Variants in ABCB5 observed in about 807,000 individuals in gnomAD.
ABCB5 encodes ATP-binding cassette sub-family B member 5.
In ABCB5, 155 loss-of-function variants were observed where a neutral mutation model predicts 144.2. The ratio of observed to expected loss-of-function variants is 1.08; its 90% confidence interval spans 0.94 to 1.23. The LOEUF (loss-of-function observed/expected upper bound fraction) is 1.23, where lower values mean the gene tolerates loss of function less well. ABCB5 is among the 50% of genes most tolerant of loss of function. The pLI is 0.00. For missense variants in ABCB5, 1,830 were observed against 1,520.8 expected (o/e 1.20, Z -3.38); for synonymous variants, 610 against 528.6 (o/e 1.15, Z -2.11).
At chr7:20,633,017 TA>T (rs1784071847) in intron 5 of ABCB5, among the ~76,000 whole-genome samples, 1 of 150,934 alleles carries the variant, frequency 6.6e-6, no homozygotes, top group Admixed American at 6.6e-5. Context: ...ATAATAATAA[TA>T]AATAAATAAA....
chr7:20,652,220 A>G (rs78848969), intron 13 of ABCB5, among the ~76,000 whole-genome samples: 4,568 of 152,234 alleles, frequency 0.03, 260 homozygotes, highest in African/African-American at 0.1. Flanking sequence ...GTGACAAACC[A>G]CAAGAAAAAC....
At chr7:20,696,789 G>A (rs993031197) in intron 16 of ABCB5, among the ~76,000 whole-genome samples, 38 of 151,886 alleles carry the variant, frequency 2.5e-4, no homozygotes, top group African/African-American at 9.2e-4. Flanking sequence ...TGAAATTTTT[G>A]TTTTGTTTTT....
rs775250886 is a variant in ABCB5 at position 20,742,915 on chromosome 7, T to C, written c.3063T>C (p.Ser1021=). 1 of 1,614,206 alleles carries C rather than the reference T, an allele frequency of 6.2e-7. No homozygotes were observed. The highest frequency in any genetic ancestry group is 1.1e-5 in the South Asian group (1 of 91,082). Residue 1021 remains serine (S), a synonymous_variant, in exon 25 of 28, where the codon TCT becomes TCC. Coordinates refer to ENST00000404938, the MANE Select transcript of ABCB5 (RefSeq NM_001163941.2). ...CEGNLEFREV[S]FFYPCRPDVF... is the part of the protein sequence containing the mutation. ...GGAATTTAGAGTTTCGAGAAGTCTCTTTCTTCTATCCATGTCGCCCAGATG... is the reference window on the plus strand; with the variant it reads ...GGAATTTAGAGTTTCGAGAAGTCTCCTTCTTCTATCCATGTCGCCCAGATG...
chr7:20,673,042 G>A (rs1785498661), intron 14 of ABCB5, among the ~76,000 whole-genome samples: 1 of 151,444 alleles, frequency 6.6e-6, no homozygotes, highest in African/African-American at 2.4e-5. Flanking sequence ...TCATTTACTT[G>A]AAAAATTTTA....
At chr7:20,738,902 G>A (rs1408582418) in intron 23 of ABCB5, 81 bp from the exon 24 acceptor site, 1 of 1,416,664 alleles carries the variant, frequency 7.1e-7, no homozygotes. Flanking sequence ...TCCTGTGCCT[G>A]CTTTTTTCTT....
chr7:20,736,562 C>T (rs1338007833), intron 23 of ABCB5, among the ~76,000 whole-genome samples: 1 of 152,166 alleles, frequency 6.6e-6, no homozygotes, highest in East Asian at 1.9e-4. Context: ...AATTACTCCT[C>T]TTCATATATC....
At chr7:20,680,808 A>G (rs1785767976) in intron 14 of ABCB5, among the ~76,000 whole-genome samples, 1 of 152,200 alleles carries the variant, frequency 6.6e-6, no homozygotes, top group Non-Finnish European at 1.5e-5. Context: ...CCCATTTTAA[A>G]GATGAAAACA....
intron 3 of ABCB5, 26 bp from the exon 4 acceptor site, chr7:20,628,662 G>A (rs778037275): frequency 1.6e-5 from 25 of 1,602,888 alleles, no homozygotes; most frequent in South Asian, 2.2e-5. Flanking sequence ...TACAGTTGTG[G>A]TGCTACCGTG....
chr7:20,746,721 C>T (rs1254916163), intron 26 of ABCB5, among the ~76,000 whole-genome samples: 6 of 152,082 alleles, frequency 3.9e-5, no homozygotes, highest in Admixed American at 3.9e-4. Context: ...AAAAACAGTG[C>T]ACAGAGAGGG....
intron 25 of ABCB5, 39 bp from the exon 26 acceptor site, chr7:20,745,192 TG>T: frequency 6.3e-7 from 1 of 1,577,576 alleles, no homozygotes. Context: ...GATACAGTTG[TG>T]TGATCTTAAC....
At chr7:20,633,176 C>T (rs1031046349) in intron 5 of ABCB5, among the ~76,000 whole-genome samples, 2 of 151,730 alleles carry the variant, frequency 1.3e-5, no homozygotes, top group Non-Finnish European at 2.9e-5. Flanking sequence ...AAAGTTGTAT[C>T]CAAACAAAAA....
intron 20 of ABCB5, among the ~76,000 whole-genome samples, chr7:20,709,214 T>C (rs1385361394): frequency 1.5e-5 from 2 of 130,234 alleles, no homozygotes; most frequent in Admixed American, 1.5e-4. Flanking sequence ...TATAATTAAC[T>C]CACAATCCAT....
At chr7:20,720,362 G>A (rs1357936912) in intron 20 of ABCB5, among the ~76,000 whole-genome samples, 1 of 152,198 alleles carries the variant, frequency 6.6e-6, no homozygotes, top group Non-Finnish European at 1.5e-5. Context: ...TAGCTTCAAA[G>A]TGCTTCAAGA....
intron 23 of ABCB5, among the ~76,000 whole-genome samples, chr7:20,736,701 C>T (rs920143207): frequency 6.6e-6 from 1 of 152,182 alleles, no homozygotes; most frequent in Non-Finnish European, 1.5e-5. Context: ...TATGGTTTAA[C>T]TATGTTACGG....
At chr7:20,724,471 T>C (rs1781968559) in intron 21 of ABCB5, among the ~76,000 whole-genome samples, 1 of 151,510 alleles carries the variant, frequency 6.6e-6, no homozygotes, top group Non-Finnish European at 1.5e-5. Flanking sequence ...CTACGAAAAA[T>C]ACAAAAAGTT....
At chr7:20,725,258 T>C (rs1181000623) in intron 21 of ABCB5, among the ~76,000 whole-genome samples, 4 of 152,184 alleles carry the variant, frequency 2.6e-5, no homozygotes, top group Non-Finnish European at 5.9e-5. Context: ...TGTGTAGATT[T>C]GGAAAAATTA....
rs1266961960 is a variant in ABCB5, at chr7:20,622,202, G to C, written c.-21-1063G>C. Among the ~76,000 whole-genome samples, 6 of 152,132 alleles carry C rather than the reference G, an allele frequency of 3.9e-5. No individual in the cohort carries two copies. The East Asian group carries it at 1.2e-3, about 29-fold the overall frequency. On this transcript the variant is annotated intron_variant, in intron 1 of 27. Coordinates refer to ENST00000404938, the MANE Select transcript of ABCB5 (RefSeq NM_001163941.2). The stretch of plus-strand genomic sequence containing the variant: ...TTAATTGTTTTGATTTCTTTCTATG[G>C]ATGGATGCATTTCATTACATAATTG...
intron 23 of ABCB5, among the ~76,000 whole-genome samples, chr7:20,736,484 G>A (rs1335214798): frequency 6.6e-6 from 1 of 152,108 alleles, no homozygotes; most frequent in African/African-American, 2.4e-5. Flanking sequence ...CCAAAGTGCT[G>A]GAATTACAGG....
At chr7:20,643,147 T>C in intron 5 of ABCB5, 37 bp from the exon 6 acceptor site, 3 of 1,524,532 alleles carry the variant, frequency 2.0e-6, no homozygotes, top group Non-Finnish European at 2.7e-6. Context: ...ATAAAAATGT[T>C]GTGCTTCAGT....
Sources: gnomAD v4.1 joint callset for allele counts (sites outside exome capture counted in the v4.1 genomes callset) on GRCh38, gnomAD v4.1.1 for gene constraint, MANE v1.5 for transcripts, NCBI Gene and HGNC (gene_info 2026-07-23, HGNC 2026-07-21) for gene names.